The following AKAP19 variants were observed in gnomAD, a reference collection of about 807,000 sequenced individuals.
AKAP19 encodes the protein A-kinase anchoring protein 19, also known as small A-kinase anchoring protein.
chr2:190,117,913 G>A, the AKAP19 span, among the ~76,000 whole-genome samples: 2 of 152,054 alleles, frequency 1.3e-5, no homozygotes, highest in Non-Finnish European at 2.9e-5. Flanking sequence ...TAGGCTGCTG[G>A]TACTTTTGGA....
the AKAP19 span, among the ~76,000 whole-genome samples, chr2:189,969,728 CA>C: frequency 0.12 from 5,815 of 49,456 alleles, 57 homozygotes; most frequent in Non-Finnish European, 0.15. Flanking sequence ...GACTCCATCT[CA>C]AAAAAAAAAA....
chr2:190,033,440 G>C, the AKAP19 span, among the ~76,000 whole-genome samples: 5 of 152,118 alleles, frequency 3.3e-5, no homozygotes. Context: ...TTTTCCAATA[G>C]GTGCAATAAA....
At chr2:190,125,489 A>AT in the AKAP19 span, among the ~76,000 whole-genome samples, 24 of 152,208 alleles carry the variant, frequency 1.6e-4, no homozygotes, top group East Asian at 4.2e-3. Flanking sequence ...CAAAGTATAG[A>AT]TTTTTTCACT....
At chr2:190,110,985 A>T in the AKAP19 span, among the ~76,000 whole-genome samples, 7 of 152,214 alleles carry the variant, frequency 4.6e-5, no homozygotes, top group African/African-American at 1.7e-4. Context: ...AGGGTGCAAG[A>T]TCAGAACTAT....
chr2:189,911,647 G>A, the AKAP19 span, among the ~76,000 whole-genome samples: 1 of 151,982 alleles, frequency 6.6e-6, no homozygotes, highest in Middle Eastern at 3.3e-3. Context: ...GAAAAATTCA[G>A]GAAAGGAAAG....
At chr2:190,196,569 T>C in the AKAP19 span, among the ~76,000 whole-genome samples, 1 of 151,936 alleles carries the variant, frequency 6.6e-6, no homozygotes. Context: ...TCCTGCCTCT[T>C]TGTATGGCTA....
the AKAP19 span, among the ~76,000 whole-genome samples, chr2:189,910,443 G>C: frequency 6.6e-6 from 1 of 151,872 alleles, no homozygotes; most frequent in South Asian, 2.1e-4. Context: ...ATACTTTCCT[G>C]AGAGTGAATA....
chr2:189,929,166 CAGTT>C, the AKAP19 span, among the ~76,000 whole-genome samples: 5 of 152,046 alleles, frequency 3.3e-5, no homozygotes, highest in African/African-American at 4.8e-5. Context: ...TTCATTTTGT[CAGTT>C]AGCTAGCAGG....
At chr2:190,019,248 C>T in the AKAP19 span, among the ~76,000 whole-genome samples, 2 of 152,140 alleles carry the variant, frequency 1.3e-5, no homozygotes, top group Non-Finnish European at 2.9e-5. Flanking sequence ...TGCCAAAATG[C>T]ACCATGGCAG....
chr2:190,073,707 C>T, the AKAP19 span, among the ~76,000 whole-genome samples: 231 of 151,932 alleles, frequency 1.5e-3, no homozygotes, highest in Admixed American at 2.9e-3. Context: ...ATTATAGGAC[C>T]AGTGTTTCTT....
the AKAP19 span, among the ~76,000 whole-genome samples, chr2:189,985,583 A>G: frequency 6.6e-6 from 1 of 152,210 alleles, no homozygotes; most frequent in African/African-American, 2.4e-5. Context: ...ATGATAGCTA[A>G]CAGGGAAAGG....
the AKAP19 span, among the ~76,000 whole-genome samples, chr2:189,954,816 A>T: frequency 3.3e-5 from 5 of 152,230 alleles, no homozygotes; most frequent in Non-Finnish European, 7.3e-5. Context: ...CTTGCTCAGA[A>T]TTAGACCAGG....
At chr2:190,166,723 A>T in the AKAP19 span, among the ~76,000 whole-genome samples, 2,067 of 152,272 alleles carry the variant, frequency 0.014, 26 homozygotes, top group Middle Eastern at 0.027. Flanking sequence ...TTCATAAAAA[A>T]TATCTTAGAA....
the AKAP19 span, among the ~76,000 whole-genome samples, chr2:189,889,233 C>A: frequency 6.6e-6 from 1 of 152,062 alleles, no homozygotes; most frequent in Non-Finnish European, 1.5e-5. Flanking sequence ...TGATGGATTA[C>A]GTTTATTGAT....
At chr2:190,039,061 T>A in the AKAP19 span, among the ~76,000 whole-genome samples, 1 of 150,354 alleles carries the variant, frequency 6.7e-6, no homozygotes, top group South Asian at 2.1e-4. Flanking sequence ...CTTCTTCCTC[T>A]TCTTCCTCTT....
the AKAP19 span, chr2:189,930,752 G>A: frequency 1.4e-6 from 1 of 701,010 alleles, no homozygotes; most frequent in South Asian, 1.6e-5. Context: ...TCCCAGATCT[G>A]TTTTACTGAT....
the AKAP19 span, chr2:190,056,384 A>T: frequency 2.0e-5 from 3 of 152,578 alleles, no homozygotes. Context: ...TAAAAACTGC[A>T]GTGTTGCAAA....
the AKAP19 span, among the ~76,000 whole-genome samples, chr2:189,887,327 A>G: frequency 2.0e-5 from 3 of 152,214 alleles, no homozygotes; most frequent in African/African-American, 7.2e-5. Flanking sequence ...TTATGACTGC[A>G]TAGTATTCCA....
chr2:189,936,118 C>A, the AKAP19 span, among the ~76,000 whole-genome samples: 1 of 151,904 alleles, frequency 6.6e-6, no homozygotes, highest in African/African-American at 2.4e-5. Flanking sequence ...AATTAGAATT[C>A]TATACAGGAG....
Sources: allele counts gnomAD v4.1 joint callset (sites outside exome capture counted in the v4.1 genomes callset), GRCh38; gene constraint gnomAD v4.1.1; transcripts MANE v1.5; gene names NCBI Gene and HGNC (gene_info 2026-07-23, HGNC 2026-07-21).